The following CAPN14 variants were observed in gnomAD, a reference collection of about 807,000 sequenced individuals.
CAPN14 encodes the protein calpain 14.
A neutral mutation model predicts 101.3 loss-of-function variants in CAPN14; 94 were observed. The observed-to-expected ratio is 0.93, with a 90% CI of 0.79 to 1.10. CAPN14 has a LOEUF of 1.10. CAPN14 is among the 50% of genes least tolerant of loss of function. The probability of loss-of-function intolerance (pLI) is 0.00; values close to 1 mark genes in which losing one functional copy is unlikely to be tolerated. For synonymous variants in CAPN14, 338 were observed against 317.9 expected (o/e 1.06, Z -0.67); for missense variants, 837 against 828.4 (o/e 1.01, Z -0.13).
intron 16 of CAPN14, among the ~76,000 whole-genome samples, chr2:31,186,109 T>G (rs1680886182): frequency 6.6e-6 from 1 of 152,214 alleles, no homozygotes; most frequent in Admixed American, 6.5e-5. Flanking sequence ...TGGGTGCAGT[T>G]CTTCCACATG....
chr2:31,177,459 T>G (rs977387255), intron 19 of CAPN14, among the ~76,000 whole-genome samples: 1 of 152,182 alleles, frequency 6.6e-6, no homozygotes, highest in Non-Finnish European at 1.5e-5. Flanking sequence ...GTCCTGAATT[T>G]AAACCCCAGG....
intron 8 of CAPN14, among the ~76,000 whole-genome samples, chr2:31,195,978 G>C (rs1164760618): frequency 6.6e-6 from 1 of 152,160 alleles, no homozygotes; most frequent in Non-Finnish European, 1.5e-5. Context: ...AGAAATGAGA[G>C]AGATGATAGA....
At chr2:31,177,210 C>A in intron 19 of CAPN14, 68 bp from the exon 20 acceptor site, 4 of 1,069,034 alleles carry the variant, frequency 3.7e-6, no homozygotes, top group Non-Finnish European at 5.5e-6. Context: ...CTGCTCAAGG[C>A]CCCTTCAAAT....
chr2:31,181,365 A>G (rs1680587282), intron 16 of CAPN14, among the ~76,000 whole-genome samples: 2 of 148,490 alleles, frequency 1.3e-5, no homozygotes, highest in African/African-American at 5.0e-5. Context: ...TTCTTTCCTC[A>G]GGTTTCTTTC....
intron 1 of CAPN14, among the ~76,000 whole-genome samples, chr2:31,211,665 G>A (rs1419152813): frequency 9.4e-6 from 1 of 105,888 alleles, no homozygotes; most frequent in Non-Finnish European, 1.9e-5. Flanking sequence ...GAGCACGTGT[G>A]CATGTGCACA....
chr2:31,205,946 A>T (rs1373732329), intron 1 of CAPN14, among the ~76,000 whole-genome samples: 1 of 151,918 alleles, frequency 6.6e-6, no homozygotes, highest in South Asian at 2.1e-4. Flanking sequence ...CCTCCCAGCT[A>T]CAGACACACA....
chr2:31,179,210 A>G (rs1680469561), intron 17 of CAPN14, among the ~76,000 whole-genome samples: 1 of 151,476 alleles, frequency 6.6e-6, no homozygotes, highest in Admixed American at 6.6e-5. Context: ...TCCTAATGTT[A>G]TCTTTCCCCC....
At chr2:31,224,961 A>G (rs1161379853) in intron 2 of CAPN14, among the ~76,000 whole-genome samples, 1 of 152,060 alleles carries the variant, frequency 6.6e-6, no homozygotes. Context: ...CACAGTTTTA[A>G]TGAGATTCTG....
In CAPN14 at chr2:31,177,076, A is replaced by G; in HGVS notation, c.1922T>C (p.Met641Thr). ...LIRYGGPRLQ[M>T]DFVSFIHLML... ...CAAGTGGATGAAACTGACAAAGTCCATCTGGAGGCGGGGGCCGCCGTAGCG... is the reference window on the plus strand; with the variant it reads ...CAAGTGGATGAAACTGACAAAGTCCGTCTGGAGGCGGGGGCCGCCGTAGCG... Residue 641 changes from methionine to threonine, a missense_variant, in exon 20 of 22, where the codon ATG becomes ACG. Coordinates refer to ENST00000403897, the MANE Select transcript of CAPN14 (RefSeq NM_001145122.2). 10 of 1,551,560 alleles carry G rather than the reference A, an allele frequency of 6.4e-6. No individual in the cohort carries two copies. Among genetic ancestry groups the G allele is most frequent in the Non-Finnish European group, 8.7e-6 (10 of 1,146,880 alleles).
In CAPN14 at chr2:31,203,064, AC is replaced by A; in HGVS notation, c.295+5del. 1 of 1,551,288 alleles carries A rather than the reference AC, an allele frequency of 6.4e-7. No homozygotes were observed. The highest frequency in any genetic ancestry group is 8.7e-7 in the Non-Finnish European group (1 of 1,146,718). On this transcript the variant is annotated splice_donor_5th_base_variant and intron_variant, in intron 3 of 21. Coordinates refer to ENST00000403897, the MANE Select transcript of CAPN14 (RefSeq NM_001145122.2). ...GTGTCTGTCTCTCGGGGCTGTGCAA[AC>A]TTACCTACTATCCCCTGGCACAGAT... is the stretch of plus-strand genomic sequence containing the variant.
chr2:31,197,404 C>T (rs755366809), intron 7 of CAPN14, 70 bp from the exon 8 acceptor site: 9 of 1,096,416 alleles, frequency 8.2e-6, no homozygotes, highest in Middle Eastern at 2.0e-4. Flanking sequence ...GAGTGAGACT[C>T]GGGCCTGGAG....
In CAPN14 at chr2:31,191,958, C is replaced by T. The variant is rs758714116; in HGVS notation, c.1255G>A (p.Ala419Thr). The stretch of plus-strand genomic sequence containing the variant: ...ACCCTATACAGGTAGAAGCCAATGG[C>T]GAGGAGAGGCTTCCGCTTGCGGCAC... ...HRCRKRKPLL[A>T]IGFYLYRMNK... The change falls in exon 11 of 22, where the codon GCC (alanine) becomes ACC (threonine). Residue 419 changes from alanine to threonine, a missense_variant. Transcript: ENST00000403897. 9.7e-6 allele frequency: 15 copies of T among 1,551,012 alleles called. No individual in the cohort carries two copies. The highest frequency in any genetic ancestry group is 1.7e-4 in the Middle Eastern group (1 of 5,986).
intron 1 of CAPN14, among the ~76,000 whole-genome samples, chr2:31,206,378 G>A (rs898491143): frequency 6.6e-6 from 1 of 152,146 alleles, no homozygotes; most frequent in Non-Finnish European, 1.5e-5. Context: ...GGGCGAGCCG[G>A]CAGTGCATCA....
Position 31,173,952 on chromosome 2 carries a change from G to C in CAPN14, c.*729C>G, listed in dbSNP as rs1680172028. ...TTCTGGACAGATTTGAAATGGATCT[G>C]ATAGTCTATATATCAAGCAAATAGA... On this transcript the variant is annotated 3_prime_UTR_variant, in exon 22 of 22. Coordinates refer to ENST00000403897, the MANE Select transcript of CAPN14 (RefSeq NM_001145122.2). The C allele has an allele frequency of 6.6e-6, 1 of 152,202 alleles. No individual in the cohort carries two copies. Among genetic ancestry groups the C allele is most frequent in the Non-Finnish European group, 1.5e-5 (1 of 68,066 alleles). The allele number at this position is 152,202 out of a possible 1,614,324, so 9.4% of individuals were successfully genotyped here.
At chr2:31,198,763 G>A (rs1681595678) in intron 7 of CAPN14, among the ~76,000 whole-genome samples, 1 of 152,062 alleles carries the variant, frequency 6.6e-6, no homozygotes, top group Non-Finnish European at 1.5e-5. Context: ...ACTTAAACCT[G>A]CTGACTTCTT....
intron 5 of CAPN14, among the ~76,000 whole-genome samples, chr2:31,201,614 A>G (rs1681782381): frequency 6.6e-6 from 1 of 152,196 alleles, no homozygotes; most frequent in African/African-American, 2.4e-5. Context: ...GGAGCAAAGG[A>G]CAGAATATAC....
At chr2:31,191,026 T>C (rs1007798007) in intron 12 of CAPN14, among the ~76,000 whole-genome samples, 5 of 152,192 alleles carry the variant, frequency 3.3e-5, no homozygotes, top group Admixed American at 1.3e-4. Context: ...TTTAAATCTA[T>C]TTTATTTTGG....
chr2:31,224,840 A>C (rs1428638955), intron 2 of CAPN14, among the ~76,000 whole-genome samples: 1 of 152,066 alleles, frequency 6.6e-6, no homozygotes, highest in Non-Finnish European at 1.5e-5. Context: ...TTTGAGGAGA[A>C]CTATAAAAAG....
Position 31,233,459 on chromosome 2 carries a change from G to A in CAPN14, c.-177+332C>T, listed in dbSNP as rs1232909252. Reference sequence around the variant, plus strand: ...CACACAAAAGGAGTGACTCCTCCCTGTATTCCCATGACCCTCTGCTCATGC... The same window carrying A: ...CACACAAAAGGAGTGACTCCTCCCTATATTCCCATGACCCTCTGCTCATGC... On this transcript the variant is annotated intron_variant and NMD_transcript_variant, in intron 1 of 21. Coordinates refer to the CAPN14 transcript ENST00000398824. Among the ~76,000 whole-genome samples, 3 of 152,172 alleles carry A rather than the reference G, an allele frequency of 2.0e-5. 1 individual carries two copies. Among genetic ancestry groups the A allele is most frequent in the Admixed American group, 2.0e-4 (3 of 15,280 alleles).
Sources: gnomAD v4.1 joint callset for allele counts (sites outside exome capture counted in the v4.1 genomes callset) on GRCh38, gnomAD v4.1.1 for gene constraint, MANE v1.5 for transcripts, NCBI Gene and HGNC (gene_info 2026-07-23, HGNC 2026-07-21) for gene names.